Variants in PPFIA2 observed in about 807,000 individuals in gnomAD.
The protein encoded by PPFIA2 is liprin-alpha-2.
In PPFIA2, 46 loss-of-function variants were observed where a neutral mutation model predicts 175.5. The observed-to-expected ratio is 0.26, with a 90% confidence interval of 0.21 to 0.34. The LOEUF (loss-of-function observed/expected upper bound fraction) is 0.34. Ranked by LOEUF, PPFIA2 falls within the 10% of genes least tolerant of loss-of-function variation. The probability of loss-of-function intolerance (pLI) is 1.00; values close to 1 mark genes in which losing one functional copy is unlikely to be tolerated. For missense variants in PPFIA2, 1,179 were observed against 1,506.1 expected (o/e 0.78, Z 3.60); for synonymous variants, 568 against 511.4 (o/e 1.11, Z -1.49).
intron 30 of PPFIA2, among the ~76,000 whole-genome samples, chr12:81,264,829 G>A (rs891331223): frequency 6.6e-5 from 10 of 152,190 alleles, no homozygotes; most frequent in African/African-American, 2.2e-4. Context: ...ATCTCCAAAT[G>A]TGTGTAAATG....
At chr12:81,432,518 T>G (rs2048274520) in intron 7 of PPFIA2, among the ~76,000 whole-genome samples, 1 of 149,014 alleles carries the variant, frequency 6.7e-6, no homozygotes, top group Non-Finnish European at 1.5e-5. Flanking sequence ...CAGGTTGGAG[T>G]GCAGTGGCGT....
At chr12:81,656,703 A>G in intron 4 of PPFIA2, among the ~76,000 whole-genome samples, 1 of 152,054 alleles carries the variant, frequency 6.6e-6, no homozygotes, top group East Asian at 1.9e-4. Context: ...GAATATCCAG[A>G]GAATTTATTA....
chr12:81,439,457 A>T (rs913886821), intron 7 of PPFIA2, among the ~76,000 whole-genome samples: 4 of 152,064 alleles, frequency 2.6e-5, no homozygotes, highest in African/African-American at 9.6e-5. Context: ...AGATAAAATA[A>T]CTCTTTAAAT....
intron 19 of PPFIA2, 89 bp from the exon 20 acceptor site, chr12:81,341,297 C>G (rs977450360): frequency 7.8e-7 from 1 of 1,290,126 alleles, no homozygotes; most frequent in Admixed American, 2.3e-5. Context: ...ACAAGGCTGT[C>G]GAGTAATTTT....
intron 3 of PPFIA2, among the ~76,000 whole-genome samples, chr12:81,705,815 G>T (rs1049015555): frequency 1.3e-5 from 2 of 152,066 alleles, no homozygotes; most frequent in Admixed American, 6.6e-5. Flanking sequence ...TGAAAAATAG[G>T]TTCTCTTTTG....
intron 4 of PPFIA2, among the ~76,000 whole-genome samples, chr12:81,571,629 C>T (rs1442682611): frequency 6.6e-6 from 1 of 152,078 alleles, no homozygotes. Flanking sequence ...GGGTAAACCA[C>T]TTAGGACAGA....
rs1384954695 is a variant in PPFIA2 at position 81,259,323 on chromosome 12, GACTT to G, written c.*367_*370del. 3 of 470,914 alleles carry G rather than the reference GACTT, an allele frequency of 6.4e-6. No individual in the cohort carries two copies. The highest frequency in any genetic ancestry group is 7.9e-6 in the Non-Finnish European group (2 of 254,666). The allele number at this position is 470,914 out of a possible 1,614,324, so 29.2% of individuals were successfully genotyped here. ...ATCATATTTATATCCATTTACATAA[GACTT>G]ACACATTTAAAAAGAAATGCACGGT... is the stretch of plus-strand genomic sequence containing the variant. On this transcript the variant is annotated 3_prime_UTR_variant, in exon 33 of 33. Transcript: ENST00000549396.
At chr12:81,733,225 T>C (rs2081147493) in intron 3 of PPFIA2, among the ~76,000 whole-genome samples, 1 of 151,594 alleles carries the variant, frequency 6.6e-6, no homozygotes. Flanking sequence ...TTAGGTTAAA[T>C]AACTTCTCCA....
intron 3 of PPFIA2, among the ~76,000 whole-genome samples, chr12:81,711,818 G>C (rs902936956): frequency 1.3e-5 from 2 of 148,352 alleles, no homozygotes; most frequent in Non-Finnish European, 3.0e-5. Context: ...ATTTCCAAAT[G>C]TCCTTCAGCA....
intron 4 of PPFIA2, among the ~76,000 whole-genome samples, chr12:81,478,099 T>C (rs1376839937): frequency 6.6e-6 from 1 of 152,174 alleles, no homozygotes; most frequent in African/African-American, 2.4e-5. Flanking sequence ...TTGTTATATG[T>C]CTATTCAGGG....
chr12:81,466,816 T>C (rs1266113430), intron 4 of PPFIA2, among the ~76,000 whole-genome samples: 1 of 151,046 alleles, frequency 6.6e-6, no homozygotes, highest in East Asian at 1.9e-4. Context: ...CTGTGGGCCC[T>C]AGTCACATTT....
At chr12:81,675,432 GACAA>G (rs2072319236) in intron 4 of PPFIA2, 1 of 151,896 alleles carries the variant, frequency 6.6e-6, no homozygotes, top group Non-Finnish European at 1.5e-5. Context: ...TAGAGGGTAT[GACAA>G]ACTAACTTAT....
intron 3 of PPFIA2, among the ~76,000 whole-genome samples, chr12:81,730,600 G>A (rs1322923493): frequency 1.3e-5 from 2 of 151,546 alleles, no homozygotes; most frequent in Non-Finnish European, 3.0e-5. Context: ...GGATTATTGG[G>A]ATTATAATTT....
At chr12:81,264,523 T>C (rs2036617073) in intron 30 of PPFIA2, among the ~76,000 whole-genome samples, 1 of 152,154 alleles carries the variant, frequency 6.6e-6, no homozygotes, top group Non-Finnish European at 1.5e-5. Flanking sequence ...TCCTAATATC[T>C]CATTTGATTT....
At chr12:81,313,146 G>A (rs2051368421) in intron 22 of PPFIA2, among the ~76,000 whole-genome samples, 1 of 151,908 alleles carries the variant, frequency 6.6e-6, no homozygotes, top group Admixed American at 6.6e-5. Flanking sequence ...ATGTAGTAGA[G>A]GCATTGAGAA....
intron 22 of PPFIA2, chr12:81,312,112 A>T (rs1396317486): frequency 6.6e-7 from 1 of 1,521,398 alleles, no homozygotes; most frequent in Admixed American, 2.0e-5. Flanking sequence ...AAAAAAAAAG[A>T]TGGCGCTGAA....
intron 3 of PPFIA2, among the ~76,000 whole-genome samples, chr12:81,752,248 AT>A (rs1234508906): frequency 6.6e-6 from 1 of 152,126 alleles, no homozygotes; most frequent in Non-Finnish European, 1.5e-5. Context: ...AGAAGAAATG[AT>A]TGCCCCATTT....
At chr12:81,498,307 T>C (rs2147297949) in intron 4 of PPFIA2, among the ~76,000 whole-genome samples, 1 of 152,300 alleles carries the variant, frequency 6.6e-6, no homozygotes, top group South Asian at 2.1e-4. Flanking sequence ...CTACTAATAT[T>C]ACTCTGTTCC....
intron 4 of PPFIA2, chr12:81,471,212 C>T (rs993293954): frequency 2.0e-5 from 3 of 151,690 alleles, no homozygotes; most frequent in Non-Finnish European, 4.4e-5. Flanking sequence ...TCACAACTCA[C>T]AACTTACTGC....
Sources: allele counts gnomAD v4.1 joint callset (sites outside exome capture counted in the v4.1 genomes callset), GRCh38; gene constraint gnomAD v4.1.1; transcripts MANE v1.5; gene names NCBI Gene and HGNC (gene_info 2026-07-23, HGNC 2026-07-21).